Variants in ZBTB20 observed in about 807,000 individuals in gnomAD.
ZBTB20 encodes the protein zinc finger and BTB domain containing 20.
Under a neutral mutation model 56.9 loss-of-function variants are expected in ZBTB20, and 9 were observed. That is an observed-to-expected ratio of 0.16 (90% CI 0.10 to 0.28). ZBTB20 has a LOEUF of 0.28. Ranked by LOEUF, ZBTB20 falls within the 10% of genes least tolerant of loss-of-function variation. ZBTB20 has a pLI of 1.00. For missense variants in ZBTB20, 655 were observed against 1,003.0 expected (o/e 0.65, Z 4.69); for synonymous variants, 417 against 420.7 (o/e 0.99, Z 0.11).
At chr3:114,807,346 G>A (rs1026098059) in intron 4 of ZBTB20, among the ~76,000 whole-genome samples, 2 of 151,828 alleles carry the variant, frequency 1.3e-5, no homozygotes, top group African/African-American at 2.4e-5. Context: ...CAAATAAATA[G>A]TTTTACTTTT....
chr3:114,956,548 T>A (rs778888842), intron 3 of ZBTB20, among the ~76,000 whole-genome samples: 4 of 152,210 alleles, frequency 2.6e-5, no homozygotes, highest in African/African-American at 9.6e-5. Context: ...TTAATTTGTA[T>A]AATCACTTCA....
intron 5 of ZBTB20, among the ~76,000 whole-genome samples, chr3:114,751,934 T>C (rs1001673022): frequency 1.3e-5 from 2 of 152,118 alleles, no homozygotes; most frequent in Non-Finnish European, 2.9e-5. Flanking sequence ...GTAATAATAA[T>C]GGAGTTGTAC....
chr3:115,099,472 A>T (rs2083498165), intron 1 of ZBTB20, among the ~76,000 whole-genome samples: 1 of 152,236 alleles, frequency 6.6e-6, no homozygotes, highest in Non-Finnish European at 1.5e-5. Context: ...AATAAAAGTT[A>T]GAAAACAGAA....
chr3:115,084,038 TAA>T (rs2108549919), intron 1 of ZBTB20, among the ~76,000 whole-genome samples: 1 of 152,016 alleles, frequency 6.6e-6, no homozygotes, highest in East Asian at 1.9e-4. Context: ...TATTAGCTAA[TAA>T]AGTGTTAAAA....
chr3:114,946,781 C>A (rs1472280802), intron 3 of ZBTB20, among the ~76,000 whole-genome samples: 2 of 145,336 alleles, frequency 1.4e-5, no homozygotes. Flanking sequence ...ACCAAAAGCA[C>A]AAGAAACCAA....
rs143691979 is a variant in ZBTB20 at position 114,700,852 on chromosome 3, C to G, written c.-342-7277G>C. Among the ~76,000 whole-genome samples the G allele has an allele frequency of 1.3e-3, 197 of 152,218 alleles. 1 individual carries two copies. Among genetic ancestry groups the G allele is most frequent in the African/African-American group, 4.5e-3 (187 of 41,528 alleles). Reference sequence around the variant, plus strand: ...TTGGGTCATTGTTTCCATTATAAACCTTATGCTTATGGGGTTTGTAATTCA... The same window carrying G: ...TTGGGTCATTGTTTCCATTATAAACGTTATGCTTATGGGGTTTGTAATTCA... On this transcript the variant is annotated intron_variant, in intron 5 of 11. Transcript: ENST00000675478.
chr3:114,447,389 T>C lies in ZBTB20; in HGVS notation c.-255+52963A>G, dbSNP rs145415936. Reference sequence around the variant, plus strand: ...CAATGAATATCACCAAAATCCTGCATGTGCAATATATTTTTCTACATTTAC... The same window carrying C: ...CAATGAATATCACCAAAATCCTGCACGTGCAATATATTTTTCTACATTTAC... On this transcript the variant is annotated intron_variant, in intron 7 of 11. Transcript: ENST00000675478. Among the ~76,000 whole-genome samples the C allele has an allele frequency of 5.0e-3, 765 of 152,336 alleles. 22 individuals are homozygous for C. The highest frequency in any genetic ancestry group is 0.027 in the Admixed American group (417 of 15,294).
intron 3 of ZBTB20, chr3:114,900,570 A>G (rs1292476263): frequency 6.6e-6 from 1 of 151,438 alleles, no homozygotes; most frequent in East Asian, 1.9e-4. Flanking sequence ...GCAGTGTATC[A>G]TAAGCACTAG....
At chr3:114,786,786 T>C (rs2070525940) in intron 5 of ZBTB20, among the ~76,000 whole-genome samples, 2 of 152,026 alleles carry the variant, frequency 1.3e-5, no homozygotes. Flanking sequence ...ATATCAAGTA[T>C]TGACAAGGAT....
chr3:114,649,423 G>T (rs74848785), intron 6 of ZBTB20, among the ~76,000 whole-genome samples: 6,840 of 152,044 alleles, frequency 0.045, 192 homozygotes, highest in Non-Finnish European at 0.067. Context: ...AGAATGTAGA[G>T]TTCCATGGGA....
chr3:114,850,463 G>A (rs1388682314), intron 4 of ZBTB20, among the ~76,000 whole-genome samples: 1 of 152,188 alleles, frequency 6.6e-6, no homozygotes, highest in Admixed American at 6.5e-5. Flanking sequence ...GAGGTATGCT[G>A]TAAGAGCTTA....
At chr3:114,609,909 C>T (rs2057427557) in intron 6 of ZBTB20, among the ~76,000 whole-genome samples, 1 of 152,100 alleles carries the variant, frequency 6.6e-6, no homozygotes, top group South Asian at 2.1e-4. Context: ...TCTCTGCTAG[C>T]CACAAGAAAA....
intron 3 of ZBTB20, among the ~76,000 whole-genome samples, chr3:114,922,680 C>T (rs1166475380): frequency 7.9e-5 from 12 of 152,138 alleles, no homozygotes; most frequent in Admixed American, 7.9e-4. Context: ...CTGGTGAGAG[C>T]TCAGGCTGCT....
intron 10 of ZBTB20, among the ~76,000 whole-genome samples, chr3:114,352,797 A>G (rs898171693): frequency 2.0e-5 from 3 of 152,206 alleles, no homozygotes; most frequent in Non-Finnish European, 4.4e-5. Context: ...AGTGAAAGAG[A>G]GCATTGTTAA....
intron 2 of ZBTB20, among the ~76,000 whole-genome samples, chr3:115,006,339 C>T (rs946211690): frequency 6.6e-6 from 1 of 151,744 alleles, no homozygotes; most frequent in Non-Finnish European, 1.5e-5. Context: ...TTACTACCCT[C>T]ATATAGTTTC....
chr3:115,117,802 T>C (rs1205655885), intron 1 of ZBTB20, among the ~76,000 whole-genome samples: 1 of 152,164 alleles, frequency 6.6e-6, no homozygotes, highest in African/African-American at 2.4e-5. Flanking sequence ...AATGTTTAAA[T>C]ATAGTAAAAG....
rs1024730698 is a variant in ZBTB20, at chr3:115,147,240, C to G, written c.-724G>C. 2.0e-5 allele frequency: 3 copies of G among 151,836 alleles called. No homozygotes were observed. The highest frequency in any genetic ancestry group is 4.4e-5 in the Non-Finnish European group (3 of 68,094). 9.4% of individuals were successfully genotyped at this position (151,836 alleles called of 1,614,324 possible). A position where few individuals can be genotyped will look rare whatever the true frequency, so the allele number is the denominator to read the frequency against. ...TTACCTCCTCGCGCTCTTTAATCTT[C>G]TTTCCTCAACTCCTAAACTTCCCCC... On this transcript the variant is annotated 5_prime_UTR_variant, in exon 1 of 12. Coordinates refer to ENST00000675478, the MANE Select transcript of ZBTB20 (RefSeq NM_001348800.3).
rs35506538 is a variant in ZBTB20 at position 114,326,643 on chromosome 3, CAA to C, written c.*12360_*12361del. On this transcript the variant is annotated 3_prime_UTR_variant, in exon 12 of 12. Coordinates refer to ENST00000675478, the MANE Select transcript of ZBTB20 (RefSeq NM_001348800.3). ...AAAGAAAGGGAAACAAATAAATCAA[CAA>C]AAAAACCTTACTAAAATACACATTC... 1 of 151,866 alleles carries C rather than the reference CAA, an allele frequency of 6.6e-6. No individual in the cohort carries two copies. The highest frequency in any genetic ancestry group is 2.1e-4 in the South Asian group (1 of 4,820). 9.4% of individuals were successfully genotyped at this position (151,866 alleles called of 1,614,324 possible).
chr3:115,146,258 T>C (rs1453718805), intron 1 of ZBTB20, among the ~76,000 whole-genome samples: 1 of 152,126 alleles, frequency 6.6e-6, no homozygotes, highest in African/African-American at 2.4e-5. Context: ...TTTTCGCTAA[T>C]GTTTAGTTTG....
Sources: gnomAD v4.1 joint callset for allele counts (sites outside exome capture counted in the v4.1 genomes callset) on GRCh38, gnomAD v4.1.1 for gene constraint, MANE v1.5 for transcripts, NCBI Gene and HGNC (gene_info 2026-07-23, HGNC 2026-07-21) for gene names.